LRRC28: variants seen among roughly 807,000 people sequenced by gnomAD.
LRRC28 encodes leucine rich repeat containing 28, also known as leucine-rich repeat-containing protein 28.
Under a neutral mutation model 45.7 loss-of-function variants are expected in LRRC28, and 39 were observed. The ratio of observed to expected loss-of-function variants is 0.85; its 90% CI spans 0.66 to 1.12. LRRC28 has a LOEUF of 1.12. LRRC28 is among the 50% of genes most tolerant of loss of function. The pLI is 0.00. For missense variants in LRRC28, 435 were observed against 438.5 expected (o/e 0.99, Z 0.07); for synonymous variants, 206 against 178.8 (o/e 1.15, Z -1.22).
In LRRC28 at chr15:99,363,183, C is replaced by T. The variant is rs1211573594; in HGVS notation, c.949C>T (p.Arg317Trp). Residue 317 changes from arginine to tryptophan, a missense_variant, in exon 9 of 10, where the codon CGG becomes TGG. Coordinates refer to ENST00000301981, the MANE Select transcript of LRRC28 (RefSeq NM_144598.5). The part of the protein sequence containing the change: ...LLHCPLGHCH[R>W]CSEPMFTIVY... ...GCACTGCCCTCTGGGGCACTGTCAT[C>T]GGTGTAGTGAGCCTATGTTTACCAT... The T allele has an allele frequency of 7.4e-6, 12 of 1,613,902 alleles. No individual in the cohort carries two copies. Among genetic ancestry groups the T allele is most frequent in the South Asian group, 3.3e-5 (3 of 91,094 alleles).
In LRRC28 at chr15:99,314,936, TTTGG is replaced by T. The variant is rs368604244; in HGVS notation, c.386-18983_386-18980del. 9.3e-4 allele frequency among the ~76,000 whole-genome samples: 142 copies of T among 152,334 alleles called. 3 individuals are homozygous for T. The highest frequency in any genetic ancestry group is 3.0e-3 in the African/African-American group (125 of 41,570). On this transcript the variant is annotated intron_variant, in intron 5 of 9. Transcript: ENST00000301981. ...ATATAGCTAAAGACAAATGTAAATCTTTGGTTGTAGCTTTCTCTGAAAGCAATAA... is the reference window on the plus strand; with the variant it reads ...ATATAGCTAAAGACAAATGTAAATCTTTGTAGCTTTCTCTGAAAGCAATAA...
chr15:99,338,479 A>T (rs1415808586), intron 6 of LRRC28: 1 of 152,092 alleles, frequency 6.6e-6, no homozygotes, highest in Non-Finnish European at 1.5e-5. Context: ...ACAGGCACAC[A>T]CTCACGTGTA....
chr15:99,333,821 C>A, intron 5 of LRRC28, 102 bp from the exon 6 acceptor site: 1 of 1,181,598 alleles, frequency 8.5e-7, no homozygotes, highest in Non-Finnish European at 1.2e-6. Context: ...GGAATAGTCG[C>A]AGCTACTGAT....
At chr15:99,254,745 T>C (rs920920279) in intron 1 of LRRC28, among the ~76,000 whole-genome samples, 5 of 152,228 alleles carry the variant, frequency 3.3e-5, no homozygotes, top group African/African-American at 1.2e-4. Context: ...TGTTAACTGA[T>C]GGTGAAGTTT....
chr15:99,352,621 G>C (rs920541722), intron 7 of LRRC28, 150 bp downstream of exon 7: 3 of 555,062 alleles, frequency 5.4e-6, no homozygotes, highest in Non-Finnish European at 9.4e-6. Flanking sequence ...ATTGCACATT[G>C]GGTTCAGTCA....
At chr15:99,356,410 AACTTG>A (rs1261477330) in intron 7 of LRRC28, among the ~76,000 whole-genome samples, 1 of 152,214 alleles carries the variant, frequency 6.6e-6, no homozygotes, top group Non-Finnish European at 1.5e-5. Flanking sequence ...GTAAAAAATT[AACTTG>A]ATGGACTTCA....
intron 5 of LRRC28, among the ~76,000 whole-genome samples, chr15:99,289,857 C>T (rs912440057): frequency 5.8e-5 from 8 of 137,798 alleles, no homozygotes; most frequent in African/African-American, 1.6e-4. Context: ...GGCGTGAACC[C>T]GGGAAGCGGA....
chr15:99,361,370 C>T lies in LRRC28; in HGVS notation c.730C>T (p.Leu244=). 1 of 1,613,688 alleles carries T rather than the reference C, an allele frequency of 6.2e-7. No homozygotes were observed. Among genetic ancestry groups the T allele is most frequent in the Non-Finnish European group, 8.5e-7 (1 of 1,179,874 alleles). ...GAPIQVSEVK[L]LSFSSGQRTV... is the part of the protein sequence containing the mutation. ...TCCCATTCAAGTTTCCGAGGTGAAG[C>T]TGCTTTCCTTTTCATCAGGGCAGCG... Residue 244 remains leucine (L), a synonymous_variant, in exon 8 of 10, where the codon CTG becomes TTG. Coordinates refer to ENST00000301981, the MANE Select transcript of LRRC28 (RefSeq NM_144598.5).
intron 5 of LRRC28, among the ~76,000 whole-genome samples, chr15:99,311,493 CAATTT>C (rs1955408567): frequency 6.6e-6 from 1 of 152,110 alleles, no homozygotes; most frequent in Non-Finnish European, 1.5e-5. Flanking sequence ...TGTTGATTTT[CAATTT>C]AATTCTGTTG....
chr15:99,345,709 CTTAAG>C (rs929181666), intron 6 of LRRC28, among the ~76,000 whole-genome samples: 8 of 152,158 alleles, frequency 5.3e-5, no homozygotes, highest in South Asian at 4.1e-4. Context: ...TGCATGTTTA[CTTAAG>C]TTAACAGTAT....
chr15:99,283,615 CAAAAAAA>C (rs59399248), intron 3 of LRRC28, among the ~76,000 whole-genome samples: 29 of 89,860 alleles, frequency 3.2e-4, no homozygotes, highest in Non-Finnish European at 5.1e-4. Flanking sequence ...GACTCCTTCT[CAAAAAAA>C]AAAAAAAAAA....
At chr15:99,257,982 C>A in intron 2 of LRRC28, 1 of 842,208 alleles carries the variant, frequency 1.2e-6, no homozygotes, top group Non-Finnish European at 2.1e-6. Context: ...ATATCACTGA[C>A]TAATGAAAAT....
chr15:99,371,250 C>T (rs1046042673), intron 9 of LRRC28, among the ~76,000 whole-genome samples: 5 of 152,174 alleles, frequency 3.3e-5, no homozygotes, highest in Non-Finnish European at 5.9e-5. Flanking sequence ...TACTGCCAGC[C>T]GGGTGCTGTG....
intron 2 of LRRC28, among the ~76,000 whole-genome samples, chr15:99,266,658 A>G (rs2081341290): frequency 1.3e-5 from 2 of 152,342 alleles, no homozygotes; most frequent in African/African-American, 4.8e-5. Context: ...AATCTACCCA[A>G]TAGAAAAGTC....
intron 9 of LRRC28, among the ~76,000 whole-genome samples, chr15:99,382,705 G>A (rs1256122908): frequency 6.6e-6 from 1 of 152,066 alleles, no homozygotes; most frequent in East Asian, 1.9e-4. Context: ...TAGCAGCTCT[G>A]TCCAGGTGGG....
At chr15:99,266,876 T>G (rs2081346099) in intron 2 of LRRC28, among the ~76,000 whole-genome samples, 1 of 152,190 alleles carries the variant, frequency 6.6e-6, no homozygotes, top group African/African-American at 2.4e-5. Context: ...GATCCTTATT[T>G]TATAGACAAA....
intron 9 of LRRC28, among the ~76,000 whole-genome samples, chr15:99,370,394 A>T (rs1332825143): frequency 6.6e-6 from 1 of 152,208 alleles, no homozygotes; most frequent in Non-Finnish European, 1.5e-5. Context: ...ATATACACAC[A>T]TGCACACGTG....
chr15:99,270,175 C>T (rs1035228052), intron 2 of LRRC28, among the ~76,000 whole-genome samples: 1 of 152,186 alleles, frequency 6.6e-6, no homozygotes, highest in Non-Finnish European at 1.5e-5. Flanking sequence ...AACTAAAAAG[C>T]TTGTTAAGTG....
intron 2 of LRRC28, among the ~76,000 whole-genome samples, chr15:99,262,258 G>T (rs923885984): frequency 1.3e-5 from 2 of 152,070 alleles, no homozygotes; most frequent in African/African-American, 4.8e-5. Context: ...TAGGATTGCT[G>T]GTCTAAAGGG....
Sources: gnomAD v4.1 joint callset for allele counts (sites outside exome capture counted in the v4.1 genomes callset) on GRCh38, gnomAD v4.1.1 for gene constraint, MANE v1.5 for transcripts, NCBI Gene and HGNC (gene_info 2026-07-23, HGNC 2026-07-21) for gene names.